Variants in CDH13 observed in about 807,000 individuals in gnomAD.
CDH13 encodes cadherin-13.
A neutral mutation model predicts 63.8 loss-of-function variants in CDH13; 24 were observed. The ratio of observed to expected loss-of-function variants is 0.38; its 90% confidence interval spans 0.27 to 0.53. CDH13 has a LOEUF of 0.53. Ranked by LOEUF, CDH13 falls within the 20% of genes least tolerant of loss-of-function variation. The pLI, the probability that CDH13 is intolerant of heterozygous loss-of-function variation, is 0.85. For missense variants in CDH13, 1,049 were observed against 903.1 expected (o/e 1.16, Z -2.07); for synonymous variants, 503 against 355.3 (o/e 1.42, Z -4.67).
chr16:82,649,758 T>G (rs1274756346), intron 1 of CDH13, among the ~76,000 whole-genome samples: 1 of 152,144 alleles, frequency 6.6e-6, no homozygotes, highest in Non-Finnish European at 1.5e-5. Flanking sequence ...AATTACTGGT[T>G]AAGAACAAGG....
intron 1 of CDH13, among the ~76,000 whole-genome samples, chr16:82,796,586 C>T (rs543527905): frequency 1.8e-4 from 27 of 152,332 alleles, no homozygotes; most frequent in African/African-American, 6.5e-4. Flanking sequence ...CTTTGACCTT[C>T]AGATCCATTC....
intron 7 of CDH13, among the ~76,000 whole-genome samples, chr16:83,592,447 GA>G (rs1363735273): frequency 6.6e-6 from 1 of 152,138 alleles, no homozygotes; most frequent in Non-Finnish European, 1.5e-5. Flanking sequence ...ATGTTTCAGT[GA>G]ACTCACACTG....
rs1458417110 is a variant in CDH13 at position 83,165,230 on chromosome 16, A to G, written c.483+39729A>G. Among the ~76,000 whole-genome samples the G allele has an allele frequency of 2.6e-5, 4 of 152,156 alleles. No homozygotes were observed. In the South Asian group the frequency reaches 6.2e-4, roughly 24 times the overall value. ...TCAAGTGGGGACATCTCAGTAGAGT[A>G]TACCCCTACAACTGATCTGCCAAGA... is the stretch of plus-strand genomic sequence containing the variant. On this transcript the variant is annotated intron_variant, in intron 4 of 13. Coordinates refer to ENST00000567109, the MANE Select transcript of CDH13 (RefSeq NM_001257.5).
chr16:82,847,674 G>T (rs1444979350), intron 1 of CDH13, among the ~76,000 whole-genome samples: 1 of 152,182 alleles, frequency 6.6e-6, no homozygotes, highest in Non-Finnish European at 1.5e-5. Context: ...CTGGGGAGTA[G>T]GGTGAGGACA....
intron 3 of CDH13, among the ~76,000 whole-genome samples, chr16:83,111,002 CAA>C (rs398030036): frequency 0.088 from 9,348 of 106,230 alleles, 379 homozygotes; most frequent in Admixed American, 0.091. Context: ...TAGGTTGTTG[CAA>C]AAAAAAAAAA....
intron 11 of CDH13, among the ~76,000 whole-genome samples, chr16:83,763,257 T>C (rs1914119631): frequency 6.6e-6 from 1 of 152,124 alleles, no homozygotes; most frequent in African/African-American, 2.4e-5. Context: ...AGCTGTAAAA[T>C]TAAAATGGAA....
intron 1 of CDH13, among the ~76,000 whole-genome samples, chr16:82,796,452 C>T (rs11649562): frequency 0.4 from 60,829 of 152,054 alleles, 13,480 homozygotes; most frequent in Non-Finnish European, 0.51. Flanking sequence ...GGGCCATGCA[C>T]TCTAGGAGCT....
intron 2 of CDH13, among the ~76,000 whole-genome samples, chr16:82,955,331 A>G (rs941855395): frequency 6.6e-6 from 1 of 152,220 alleles, no homozygotes; most frequent in Non-Finnish European, 1.5e-5. Context: ...GAATTCCTAA[A>G]ACATTCAAGA....
At chr16:83,200,970 T>TGTGTCTGTGC (rs1440262897) in intron 4 of CDH13, among the ~76,000 whole-genome samples, 1 of 147,312 alleles carries the variant, frequency 6.8e-6, no homozygotes, top group East Asian at 2.0e-4. Context: ...TGTGTGTGTG[T>TGTGTCTGTGC]GTTATTGGGA....
chr16:83,166,180 G>A (rs1316446545), intron 4 of CDH13, among the ~76,000 whole-genome samples: 1 of 152,088 alleles, frequency 6.6e-6, no homozygotes, highest in Non-Finnish European at 1.5e-5. Context: ...TGCAATAGCT[G>A]ATCCCTGTCA....
intron 1 of CDH13, among the ~76,000 whole-genome samples, chr16:82,702,921 G>A (rs1404741906): frequency 6.6e-6 from 1 of 152,010 alleles, no homozygotes; most frequent in East Asian, 1.9e-4. Flanking sequence ...CTCATTGGTT[G>A]GCTATGAAGT....
intron 1 of CDH13, among the ~76,000 whole-genome samples, chr16:82,662,049 G>C (rs948517066): frequency 6.6e-6 from 1 of 152,170 alleles, no homozygotes; most frequent in Admixed American, 6.5e-5. Context: ...GGACATCCCC[G>C]CCATCACAGA....
chr16:82,937,205 C>T (rs1257643818), intron 2 of CDH13, among the ~76,000 whole-genome samples: 2 of 152,120 alleles, frequency 1.3e-5, no homozygotes, highest in Non-Finnish European at 2.9e-5. Flanking sequence ...TTTTCTGATG[C>T]AGCTATAGTA....
At chr16:83,368,675 A>G (rs1319110185) in intron 6 of CDH13, among the ~76,000 whole-genome samples, 8 of 150,380 alleles carry the variant, frequency 5.3e-5, no homozygotes, top group African/African-American at 2.0e-4. Context: ...GCCATGCCCA[A>G]CCCTTTCCCC....
intron 1 of CDH13, among the ~76,000 whole-genome samples, chr16:82,681,954 C>T (rs138247529): frequency 3.3e-5 from 5 of 152,356 alleles, no homozygotes; most frequent in African/African-American, 1.2e-4. Flanking sequence ...CTTGACTGTG[C>T]TGCCACCTCT....
intron 3 of CDH13, among the ~76,000 whole-genome samples, chr16:83,117,332 G>A (rs887698588): frequency 2.0e-5 from 3 of 152,044 alleles, no homozygotes; most frequent in Non-Finnish European, 2.9e-5. Flanking sequence ...CGCCATGCCC[G>A]GTAGGCTTCT....
intron 5 of CDH13, among the ~76,000 whole-genome samples, chr16:83,242,315 G>T (rs1237205115): frequency 2.0e-5 from 3 of 152,154 alleles, no homozygotes; most frequent in African/African-American, 7.2e-5. Flanking sequence ...TGGACAGATT[G>T]CCATTTACTG....
chr16:83,483,499 A>G (rs1046457048), intron 6 of CDH13, among the ~76,000 whole-genome samples: 10 of 150,278 alleles, frequency 6.7e-5, no homozygotes, highest in African/African-American at 2.4e-4. Flanking sequence ...AATCATTTTA[A>G]TGCATATGTC....
chr16:83,455,054 A>G (rs557726493), intron 6 of CDH13, among the ~76,000 whole-genome samples: 1 of 152,336 alleles, frequency 6.6e-6, no homozygotes, highest in East Asian at 1.9e-4. Flanking sequence ...TAATTTTCAA[A>G]GTAATCTTTA....
Sources: gnomAD v4.1 joint callset for allele counts (sites outside exome capture counted in the v4.1 genomes callset) on GRCh38, gnomAD v4.1.1 for gene constraint, MANE v1.5 for transcripts, NCBI Gene and HGNC (gene_info 2026-07-23, HGNC 2026-07-21) for gene names.